NUP205: variants seen among roughly 807,000 people sequenced by gnomAD.
NUP205 encodes the protein nucleoporin 205.
In NUP205, 76 loss-of-function variants were observed where a neutral mutation model predicts 253.8. The observed-to-expected ratio is 0.30, with a 90% CI of 0.25 to 0.36. The LOEUF is 0.36. Among genes scored for constraint, NUP205 ranks in the 10% least tolerant of loss-of-function variants. The pLI, the probability that NUP205 is intolerant of heterozygous loss-of-function variation, is 1.00. For synonymous variants in NUP205, 832 were observed against 850.1 expected, an observed-to-expected ratio of 0.98 and a Z score of 0.37; for missense variants, 2,162 against 2,425.5, an observed-to-expected ratio of 0.89 and a Z score of 2.28.
intron 11 of NUP205, among the ~76,000 whole-genome samples, chr7:135,592,402 A>C (rs1413215850): frequency 6.6e-6 from 1 of 152,264 alleles, no homozygotes; most frequent in Non-Finnish European, 1.5e-5. Context: ...CTGGATGTGA[A>C]GTAGGTAACC....
intron 30 of NUP205, among the ~76,000 whole-genome samples, chr7:135,621,444 AG>A (rs1385589441): frequency 6.6e-6 from 1 of 152,212 alleles, no homozygotes; most frequent in African/African-American, 2.4e-5. Context: ...CTTAACCACT[AG>A]GTGGGGCTCT....
chr7:135,635,731 C>A, intron 36 of NUP205, 74 bp downstream of exon 36: 3 of 859,028 alleles, frequency 3.5e-6, no homozygotes, highest in Non-Finnish European at 3.6e-6. Context: ...CCATTGTGCC[C>A]CCTAGATTTG....
At chr7:135,567,557 G>C (rs1259112633) in intron 1 of NUP205, among the ~76,000 whole-genome samples, 2 of 151,774 alleles carry the variant, frequency 1.3e-5, no homozygotes, top group African/African-American at 4.8e-5. Context: ...GCTACAGTGA[G>C]CTGAGATGGC....
intron 35 of NUP205, among the ~76,000 whole-genome samples, chr7:135,633,295 C>T (rs1172334305): frequency 1.3e-5 from 2 of 151,960 alleles, no homozygotes; most frequent in Non-Finnish European, 2.9e-5. Context: ...GGGTCTTACT[C>T]TGTCACCCAG....
intron 1 of NUP205, among the ~76,000 whole-genome samples, chr7:135,565,024 C>T (rs1805709836): frequency 6.6e-6 from 1 of 152,114 alleles, no homozygotes; most frequent in South Asian, 2.1e-4. Context: ...CCGCCTTGGC[C>T]TCCCAAAGTA....
chr7:135,643,456 T>A, intron 39 of NUP205, 98 bp downstream of exon 39: 1 of 854,258 alleles, frequency 1.2e-6, no homozygotes, highest in Non-Finnish European at 1.8e-6. Context: ...ACAGTATGAC[T>A]GAAGGAATTG....
chr7:135,633,283 C>T (rs1794749446), intron 35 of NUP205, among the ~76,000 whole-genome samples: 1 of 151,880 alleles, frequency 6.6e-6, no homozygotes, highest in Non-Finnish European at 1.5e-5. Context: ...GTTTTAGAGA[C>T]TGGGTCTTAC....
At chr7:135,646,113 A>G (rs1393166123) in intron 41 of NUP205, 45 bp from the exon 42 acceptor site, 1 of 1,230,070 alleles carries the variant, frequency 8.1e-7, no homozygotes. Context: ...TGTGTGGTAG[A>G]TAGGTACTTG....
Position 135,577,123 on chromosome 7 carries a change from A to G in NUP205, c.643A>G (p.Lys215Glu), listed in dbSNP as rs754827535. ...ERGLGSEKHR[K>E]EVSDLIKECR... ...AGGTTTGGGCAGTGAAAAACATCGC[A>G]AAGAGGCAAGGGTTCAATGAAATCA... The change falls in exon 5 of 43, where the codon AAA becomes GAA. Residue 215 changes from lysine to glutamate, a missense_variant. By Grantham distance (56) the Lys-to-Glu change is moderately conservative. Coordinates refer to ENST00000285968, the MANE Select transcript of NUP205 (RefSeq NM_015135.3). 19 of 1,610,816 alleles carry G rather than the reference A, an allele frequency of 1.2e-5. No individual in the cohort carries two copies. Among genetic ancestry groups the G allele is most frequent in the Non-Finnish European group, 1.4e-5 (17 of 1,178,960 alleles).
chr7:135,558,270 C>A, intron 1 of NUP205: 1 of 440,424 alleles, frequency 2.3e-6, no homozygotes, highest in Non-Finnish European at 4.2e-6. Context: ...CCCCAAGTTT[C>A]ACTGTGCGTC....
chr7:135,607,176 G>C (rs1794103842), intron 21 of NUP205, 71 bp from the exon 22 acceptor site: 24 of 1,564,846 alleles, frequency 1.5e-5, no homozygotes, highest in Non-Finnish European at 2.1e-5. Context: ...TTTAACTTTT[G>C]AAAAGGCAGT....
At chr7:135,568,050 C>G (rs771145751) in intron 1 of NUP205, among the ~76,000 whole-genome samples, 2 of 149,980 alleles carry the variant, frequency 1.3e-5, no homozygotes, top group Non-Finnish European at 3.0e-5. Context: ...AATGGTGAAG[C>G]CCCATCTCTA....
chr7:135,560,040 A>G (rs938696855), intron 1 of NUP205, among the ~76,000 whole-genome samples: 1 of 151,956 alleles, frequency 6.6e-6, no homozygotes, highest in Non-Finnish European at 1.5e-5. Flanking sequence ...TTGTATTTGT[A>G]GTAGAGAAGG....
chr7:135,619,645 C>T lies in NUP205; in HGVS notation c.4186C>T (p.Leu1396Phe), dbSNP rs1435935243. Residue 1396 changes from leucine to phenylalanine, a missense_variant, in exon 29 of 43, where the codon CTT (leucine) becomes TTT (phenylalanine). By Grantham distance (22) the Leu-to-Phe change is conservative. Around this residue, in one of 5 missense-constraint regions of NUP205, gnomAD observed 1,144 missense variants for 1,280.9 expected, o/e 0.89. Transcript: ENST00000285968. ...TTTTGCTTCTATTGGAGATTCTTCA[C>T]TTTACATCATATTGAAGAAACTGTT... ...VGFASIGDSSLYIILKKLLDF... is the reference protein window; with the variant it reads ...VGFASIGDSSFYIILKKLLDF... The T allele has an allele frequency of 6.2e-7, 1 of 1,613,964 alleles. No homozygotes were observed.
At chr7:135,640,918 GAGC>G (rs1240027377) in intron 38 of NUP205, among the ~76,000 whole-genome samples, 2 of 152,142 alleles carry the variant, frequency 1.3e-5, no homozygotes, top group Admixed American at 6.5e-5. Flanking sequence ...CAGAAATTTG[GAGC>G]CGGGCATGAT....
At chr7:135,633,345 G>A (rs1009152467) in intron 35 of NUP205, among the ~76,000 whole-genome samples, 1 of 152,054 alleles carries the variant, frequency 6.6e-6, no homozygotes, top group African/African-American at 2.4e-5. Flanking sequence ...GAACGCCTGA[G>A]CTCAAATGAT....
intron 10 of NUP205, among the ~76,000 whole-genome samples, chr7:135,588,246 T>A (rs1217794100): frequency 6.6e-6 from 1 of 151,428 alleles, no homozygotes; most frequent in Non-Finnish European, 1.5e-5. Context: ...GTGGAAGTGA[T>A]CCTCCCGCCT....
chr7:135,597,795 A>G (rs1793877369), intron 14 of NUP205: 2 of 536,098 alleles, frequency 3.7e-6, no homozygotes, highest in Admixed American at 3.4e-5. Flanking sequence ...TGGGGACAGT[A>G]AGTGGGAATT....
At chr7:135,609,802 G>GT in intron 22 of NUP205, among the ~76,000 whole-genome samples, 1 of 152,100 alleles carries the variant, frequency 6.6e-6, no homozygotes, top group Admixed American at 6.5e-5. Context: ...CTATAGCTAG[G>GT]TTTTCCTGTA....
Sources: gnomAD v4.1 joint callset for allele counts (sites outside exome capture counted in the v4.1 genomes callset) on GRCh38, gnomAD v4.1.1 for gene constraint, gnomAD v4.1.1 regional missense constraint, MANE v1.5 for transcripts, NCBI Gene and HGNC (gene_info 2026-07-23, HGNC 2026-07-21) for gene names.